EIF4ENIF1: variants seen among roughly 807,000 people sequenced by gnomAD.
EIF4ENIF1 encodes the protein eukaryotic translation initiation factor 4E nuclear import factor 1, also known as eukaryotic translation initiation factor 4E transporter.
A neutral mutation model predicts 110.5 loss-of-function variants in EIF4ENIF1; 23 were observed. The observed-to-expected ratio is 0.21, with a 90% CI of 0.15 to 0.29. The LOEUF is 0.29. Ranked by LOEUF, EIF4ENIF1 falls within the 10% of genes least tolerant of loss-of-function variation. EIF4ENIF1 has a pLI of 1.00. For missense variants in EIF4ENIF1, 1,031 were observed against 1,221.1 expected, an observed-to-expected ratio of 0.84 and a Z score of 2.32; for synonymous variants, 440 against 437.0, an observed-to-expected ratio of 1.01 and a Z score of -0.09.
chr22:31,447,082 T>C (rs1379689787), intron 14 of EIF4ENIF1: 1 of 428,252 alleles, frequency 2.3e-6, no homozygotes, highest in African/African-American at 2.1e-5. Context: ...AGAAACATCC[T>C]AAGATTTTAA....
intron 18 of EIF4ENIF1, 98 bp downstream of exon 18, chr22:31,440,606 A>G (rs2145885029): frequency 7.2e-7 from 1 of 1,394,514 alleles, no homozygotes. Flanking sequence ...CAAGTTAAAG[A>G]ATGAAAGTGT....
intron 1 of EIF4ENIF1, 106 bp from the exon 2 acceptor site, chr22:31,488,851 T>C (rs2052145724): frequency 7.5e-7 from 1 of 1,339,248 alleles, no homozygotes; most frequent in Non-Finnish European, 9.9e-7. Flanking sequence ...AAACAGCTAG[T>C]GTTAAAAACA....
upstream of EIF4ENIF1, among the ~76,000 whole-genome samples, chr22:31,490,172 G>A (rs984830655): frequency 6.6e-6 from 1 of 152,238 alleles, no homozygotes; most frequent in Non-Finnish European, 1.5e-5. Flanking sequence ...ACGGCACTTG[G>A]GACCCGCGAC....
intron 10 of EIF4ENIF1, chr22:31,450,860 C>T (rs1455497085): frequency 1.6e-4 from 25 of 155,112 alleles, no homozygotes; most frequent in Non-Finnish European, 2.7e-4. Flanking sequence ...CACACACACA[C>T]ACACACACAC....
At position 31,442,099 on chromosome 22, in the gene EIF4ENIF1, G is replaced by A. The variant is rs5997988; in HGVS notation, c.2226C>T (p.Ser742=). Residue 742 remains serine, a synonymous_variant, in exon 17 of 19, where the codon AGC becomes AGT. Transcript: ENST00000330125. ...AGTCTCGATCGGCACTGGGTACAGA[G>A]CTGGATGACAGGAGGTTTTCTGTGA... is the stretch of plus-strand genomic sequence containing the variant. ...KASEENLLSS[S]SVPSADRDSS... is the part of the protein sequence containing the mutation. 689,417 of 1,609,848 alleles carry A rather than the reference G, an allele frequency of 0.43. 153,695 individuals are homozygous for A. The highest frequency in any genetic ancestry group is 0.54 in the Middle Eastern group (3,264 of 6,044).
intron 5 of EIF4ENIF1, 67 bp downstream of exon 5, chr22:31,463,614 C>T: frequency 1.4e-6 from 2 of 1,448,156 alleles, no homozygotes; most frequent in East Asian, 4.9e-5. Context: ...CCATTGCACT[C>T]CAGCCTGGGC....
Position 31,441,976 on chromosome 22 carries a change from A to G in EIF4ENIF1, c.2349T>C (p.Tyr783=), listed in dbSNP as rs2050315451. 1 of 1,614,034 alleles carries G rather than the reference A, an allele frequency of 6.2e-7. No individual in the cohort carries two copies. Among genetic ancestry groups the G allele is most frequent in the African/African-American group, 1.3e-5 (1 of 74,920 alleles). ...QANRYTKEQD[Y]RPKATGRKTP... is the part of the protein sequence containing the mutation. The stretch of plus-strand genomic sequence containing the variant: ...TTTTTCTCCCAGTTGCTTTAGGTCG[A>G]TAATCTTGTTCTTTGGTGTAACGGT... The change falls in exon 17 of 19, where the codon TAT becomes TAC. Residue 783 remains tyrosine, a synonymous_variant. Coordinates refer to ENST00000330125, the MANE Select transcript of EIF4ENIF1 (RefSeq NM_019843.4).
At chr22:31,455,395 C>CTTTTTTT in intron 8 of EIF4ENIF1, 80 bp from the exon 9 acceptor site, 13 of 809,890 alleles carry the variant, frequency 1.6e-5, no homozygotes, top group South Asian at 4.2e-5. Context: ...TTCTTTCTTT[C>CTTTTTTT]TTTTTTTTTT....
intron 2 of EIF4ENIF1, among the ~76,000 whole-genome samples, chr22:31,485,445 C>T (rs1351282339): frequency 6.6e-6 from 1 of 152,154 alleles, no homozygotes; most frequent in East Asian, 1.9e-4. Flanking sequence ...ATGAAATATA[C>T]ATGTTAACCT....
Position 31,443,013 on chromosome 22 carries a change from C to T in EIF4ENIF1, c.2155G>A (p.Gly719Arg). The T allele has an allele frequency of 6.2e-7, 1 of 1,614,174 alleles. No individual in the cohort carries two copies. Among genetic ancestry groups the T allele is most frequent in the Non-Finnish European group, 8.5e-7 (1 of 1,180,010 alleles). Residue 719 changes from glycine to arginine, a missense_variant, in exon 16 of 19, where the codon GGA (glycine) becomes AGA (arginine). This residue lies in a region of EIF4ENIF1 where 309 missense variants were observed against 299.1 expected (regional missense o/e 1.03). Transcript: ENST00000330125. ...TTACTGTCACCAAGAGCTGCTTTTCCAGATGCTGGCTCCTCCTTGCTTTTC... is the reference window on the plus strand; with the variant it reads ...TTACTGTCACCAAGAGCTGCTTTTCTAGATGCTGGCTCCTCCTTGCTTTTC... ...KEKSKEEPAS[G>R]KAALGDSKED...
chr22:31,455,339 C>A, intron 8 of EIF4ENIF1, 24 bp from the exon 9 acceptor site: 1 of 1,483,252 alleles, frequency 6.7e-7, no homozygotes, highest in South Asian at 1.5e-5. Context: ...TAAACATACT[C>A]AAAATTAATC....
In EIF4ENIF1 at chr22:31,449,379, G is replaced by T. The variant is rs916953492; in HGVS notation, c.1737C>A (p.Asp579Glu). 5 of 1,613,768 alleles carry T rather than the reference G, an allele frequency of 3.1e-6. No homozygotes were observed. The African/African-American group carries it at 6.7e-5, about 22-fold the overall frequency. Residue 579 changes from aspartate (D) to glutamate (E), a missense_variant, in exon 12 of 19, where the codon GAC (aspartate) becomes GAA (glutamate). Physicochemically the swap from Asp to Glu is conservative, Grantham distance 45 (BLOSUM62 2). Transcript: ENST00000330125. ...QVFQTRAASA[D>E]YLRPRIPSPI... ...GTGATGGTATTCTTGGGCGAAGGTA[G>T]TCAGCTGAGGCTGCTCGAGTTTGAA...
chr22:31,464,955 C>T (rs11913621), intron 4 of EIF4ENIF1, among the ~76,000 whole-genome samples: 12,398 of 151,164 alleles, frequency 0.082, 726 homozygotes, highest in African/African-American at 0.18. Flanking sequence ...TTAGAGAATG[C>T]AAAGACAAGC....
chr22:31,445,713 G>A (rs1399677304), intron 14 of EIF4ENIF1, among the ~76,000 whole-genome samples: 1 of 152,046 alleles, frequency 6.6e-6, no homozygotes, highest in East Asian at 1.9e-4. Flanking sequence ...GGTTACTACA[G>A]GCAGGGAGAC....
chr22:31,443,778 A>G (rs886891110), intron 15 of EIF4ENIF1, among the ~76,000 whole-genome samples: 2 of 150,348 alleles, frequency 1.3e-5, no homozygotes, highest in African/African-American at 2.4e-5. Context: ...GGCTTTGATT[A>G]GATGATAAAG....
intron 2 of EIF4ENIF1, among the ~76,000 whole-genome samples, chr22:31,474,487 CT>C (rs531859600): frequency 0.066 from 9,112 of 138,042 alleles, 347 homozygotes; most frequent in Middle Eastern, 0.11. Context: ...AACATGCCAT[CT>C]TTTTTTTTTT....
chr22:31,440,752 C>T lies in EIF4ENIF1; in HGVS notation c.2668G>A (p.Gly890Arg), dbSNP rs574664088. The stretch of plus-strand genomic sequence containing the variant: ...ACCATTGCCAGATGCAGAGGTGTTC[C>T]AGGACGAGGGTTTAAGAGAGGGTGA... ...ASHPLLNPRP[G>R]TPLHLAMVQQ... Residue 890 changes from glycine to arginine, a missense_variant, in exon 18 of 19, where the codon GGA becomes AGA. Gly to Arg is a moderately radical substitution (Grantham distance 125, BLOSUM62 -2). Coordinates refer to ENST00000330125, the MANE Select transcript of EIF4ENIF1 (RefSeq NM_019843.4). The T allele has an allele frequency of 8.9e-5, 143 of 1,613,936 alleles. No homozygotes were observed. The highest frequency in any genetic ancestry group is 7.9e-4 in the South Asian group (72 of 91,074).
At chr22:31,473,698 G>A (rs534377623) in intron 2 of EIF4ENIF1, among the ~76,000 whole-genome samples, 3 of 152,296 alleles carry the variant, frequency 2.0e-5, no homozygotes, top group East Asian at 3.9e-4. Context: ...TTCACAGACC[G>A]TCACTTCTGG....
chr22:31,480,060 A>G (rs2051753431), intron 2 of EIF4ENIF1, among the ~76,000 whole-genome samples: 1 of 152,154 alleles, frequency 6.6e-6, no homozygotes. Context: ...TGAATTCATT[A>G]AGATTACCAT....
Sources: gnomAD v4.1 joint callset for allele counts (sites outside exome capture counted in the v4.1 genomes callset) on GRCh38, gnomAD v4.1.1 for gene constraint, gnomAD v4.1.1 regional missense constraint, MANE v1.5 for transcripts, NCBI Gene and HGNC (gene_info 2026-07-23, HGNC 2026-07-21) for gene names.